RIT2: variants seen among roughly 807,000 people sequenced by gnomAD.
RIT2 encodes the protein GTP-binding protein Rit2.
A neutral mutation model predicts 23.7 loss-of-function variants in RIT2; 24 were observed. That is an observed-to-expected ratio of 1.01 (90% CI 0.73 to 1.43). The LOEUF is 1.43. Among genes scored for constraint, RIT2 ranks in the 40% most tolerant of loss-of-function variants. The pLI is 0.00. For missense variants in RIT2, 236 were observed against 266.9 expected (o/e 0.88, Z 0.81); for synonymous variants, 107 against 91.1 (o/e 1.17, Z -0.99).
At chr18:42,985,770 A>G (rs999782768) in intron 2 of RIT2, among the ~76,000 whole-genome samples, 2 of 152,110 alleles carry the variant, frequency 1.3e-5, no homozygotes, top group Admixed American at 1.3e-4. Context: ...AAATATAAAT[A>G]TTCAAAGAAA....
chr18:42,910,532 G>A (rs1325772126), intron 4 of RIT2, among the ~76,000 whole-genome samples: 4 of 152,068 alleles, frequency 2.6e-5, no homozygotes, highest in African/African-American at 4.8e-5. Flanking sequence ...TAATGTGTAC[G>A]TATATAAACC....
chr18:42,801,065 A>C (rs1905528050), intron 4 of RIT2, among the ~76,000 whole-genome samples: 1 of 152,076 alleles, frequency 6.6e-6, no homozygotes, highest in African/African-American at 2.4e-5. Flanking sequence ...AAACAGCCTC[A>C]TGTGTCATGA....
In RIT2 at chr18:43,082,158, T is replaced by C. The variant is rs192846183; in HGVS notation, c.103+33259A>G. On this transcript the variant is annotated intron_variant, in intron 1 of 4. Transcript: ENST00000326695. The stretch of plus-strand genomic sequence containing the variant: ...GTGTCCAGGAATTTATCCATTTCTT[T>C]GAGATTTTCTTGTTTATTTGCATAG... 1.2e-3 allele frequency among the ~76,000 whole-genome samples: 189 copies of C among 152,234 alleles called. 2 individuals carry two copies. The Middle Eastern group carries it at 0.031, about 25-fold the overall frequency.
chr18:42,848,550 TA>T (rs1310783896), intron 4 of RIT2, among the ~76,000 whole-genome samples: 2 of 152,252 alleles, frequency 1.3e-5, no homozygotes, highest in Admixed American at 6.5e-5. Flanking sequence ...ATTTATTCCA[TA>T]AAAAATGTTA....
chr18:42,809,298 G>T (rs1905773145), intron 4 of RIT2, among the ~76,000 whole-genome samples: 3 of 152,064 alleles, frequency 2.0e-5, no homozygotes, highest in South Asian at 2.1e-4. Context: ...ACTAGAGAAA[G>T]ATTTAAATTC....
Position 42,873,270 on chromosome 18 carries a change from T to C in RIT2, c.426+50302A>G, listed in dbSNP as rs962295785. Among the ~76,000 whole-genome samples the C allele has an allele frequency of 5.9e-5, 9 of 152,324 alleles. No individual in the cohort carries two copies. In the East Asian group the frequency reaches 1.5e-3, roughly 26 times the overall value. Reference sequence around the variant, plus strand: ...TTATTTGCTTTTTGTGCTTTATCTATTGAATGAGACTTAAAGTTCCCTAAG... The same window carrying C: ...TTATTTGCTTTTTGTGCTTTATCTACTGAATGAGACTTAAAGTTCCCTAAG... On this transcript the variant is annotated intron_variant, in intron 4 of 4. Transcript: ENST00000326695.
At chr18:42,833,311 G>A (rs1397791504) in intron 4 of RIT2, among the ~76,000 whole-genome samples, 1 of 151,966 alleles carries the variant, frequency 6.6e-6, no homozygotes, top group African/African-American at 2.4e-5. Context: ...GCAAATTATA[G>A]GATTTCATTT....
chr18:43,087,555 T>C (rs1304858353), intron 1 of RIT2, among the ~76,000 whole-genome samples: 2 of 152,178 alleles, frequency 1.3e-5, no homozygotes, highest in East Asian at 3.9e-4. Context: ...GACAGTGTGA[T>C]TTCCTTCTCT....
chr18:42,811,252 A>G (rs1378173176), intron 4 of RIT2, among the ~76,000 whole-genome samples: 1 of 152,120 alleles, frequency 6.6e-6, no homozygotes, highest in African/African-American at 2.4e-5. Context: ...TATTATCCAT[A>G]GTTTTCCACT....
chr18:42,775,860 T>TAC (rs113530360), intron 4 of RIT2, among the ~76,000 whole-genome samples: 82,135 of 148,782 alleles, frequency 0.55, 25,499 homozygotes, highest in Middle Eastern at 0.73. Context: ...CACACACACA[T>TAC]ACACACACAC....
chr18:42,821,210 G>T (rs1167989063), intron 4 of RIT2, among the ~76,000 whole-genome samples: 1 of 152,090 alleles, frequency 6.6e-6, no homozygotes. Flanking sequence ...GACCCTGATA[G>T]AGAAGACTTT....
intron 1 of RIT2, among the ~76,000 whole-genome samples, chr18:43,089,875 A>G (rs1913379700): frequency 6.6e-6 from 1 of 152,142 alleles, no homozygotes; most frequent in Non-Finnish European, 1.5e-5. Flanking sequence ...TTCCTTTCAT[A>G]TACAAAAAGT....
intron 2 of RIT2, among the ~76,000 whole-genome samples, chr18:43,020,586 C>T (rs1379246008): frequency 6.6e-6 from 1 of 152,060 alleles, no homozygotes; most frequent in Non-Finnish European, 1.5e-5. Flanking sequence ...GGAGGCATCA[C>T]ATTACCTGAC....
rs192202736 is a variant in RIT2, at chr18:43,109,915, C to A, written c.103+5502G>T. Among the ~76,000 whole-genome samples the A allele has an allele frequency of 9.3e-4, 142 of 152,220 alleles. 1 individual carries two copies. The highest frequency in any genetic ancestry group is 1.8e-3 in the Admixed American group (27 of 15,282). On this transcript the variant is annotated intron_variant, in intron 1 of 4. Coordinates refer to ENST00000326695, the MANE Select transcript of RIT2 (RefSeq NM_002930.4). Reference sequence around the variant, plus strand: ...TAAAGTTCTCATCTGACATTGGGAACCTTTTTCTGCTTTTCCCATACAATT... The same window carrying A: ...TAAAGTTCTCATCTGACATTGGGAAACTTTTTCTGCTTTTCCCATACAATT...
intron 1 of RIT2, among the ~76,000 whole-genome samples, chr18:43,111,441 A>T (rs1421753131): frequency 6.6e-6 from 1 of 152,074 alleles, no homozygotes; most frequent in Non-Finnish European, 1.5e-5. Flanking sequence ...ATAACAAAAA[A>T]GTATAATGGA....
intron 3 of RIT2, among the ~76,000 whole-genome samples, chr18:42,966,835 T>C (rs1356105077): frequency 6.6e-6 from 1 of 152,068 alleles, no homozygotes; most frequent in Non-Finnish European, 1.5e-5. Context: ...CATATATATA[T>C]ATATGATCTA....
chr18:42,977,049 G>A (rs1306780060), intron 2 of RIT2, among the ~76,000 whole-genome samples: 1 of 152,000 alleles, frequency 6.6e-6, no homozygotes, highest in Non-Finnish European at 1.5e-5. Context: ...AGGGGAGGCA[G>A]AAGGATAACC....
intron 1 of RIT2, among the ~76,000 whole-genome samples, chr18:43,079,280 T>G (rs189976816): frequency 6.6e-6 from 1 of 152,298 alleles, no homozygotes; most frequent in East Asian, 1.9e-4. Flanking sequence ...TGTTTTTTGT[T>G]TTTTGATTTC....
chr18:42,815,790 A>G (rs1905978024), intron 4 of RIT2, among the ~76,000 whole-genome samples: 1 of 152,192 alleles, frequency 6.6e-6, no homozygotes, highest in Non-Finnish European at 1.5e-5. Context: ...GGCAATCAGA[A>G]CAATACAAAT....
Sources: gnomAD v4.1 joint callset for allele counts (sites outside exome capture counted in the v4.1 genomes callset) on GRCh38, gnomAD v4.1.1 for gene constraint, MANE v1.5 for transcripts, NCBI Gene and HGNC (gene_info 2026-07-23, HGNC 2026-07-21) for gene names.